The following MCF2L2 variants were observed in gnomAD, a reference collection of about 807,000 sequenced individuals.
The protein encoded by MCF2L2 is probable guanine nucleotide exchange factor MCF2L2.
MCF2L2 carries 102 observed loss-of-function variants against 150.2 expected under a neutral mutation model. The observed-to-expected ratio is 0.68, with a 90% CI of 0.58 to 0.80. MCF2L2 has a LOEUF of 0.80. Ranked by LOEUF, MCF2L2 falls within the 30% of genes least tolerant of loss-of-function variation. MCF2L2 has a pLI of 0.00. For missense variants in MCF2L2, 1,256 were observed against 1,372.8 expected (o/e 0.91, Z 1.34); for synonymous variants, 465 against 491.3 (o/e 0.95, Z 0.71).
chr3:183,207,895 T>C (rs1722556827), intron 22 of MCF2L2, 72 bp from the exon 23 acceptor site: 5 of 1,131,286 alleles, frequency 4.4e-6, no homozygotes, highest in Non-Finnish European at 5.1e-6. Context: ...TTGTGGCCTG[T>C]TTTCAAATTT....
chr3:183,383,430 C>G (rs936067863), intron 2 of MCF2L2, among the ~76,000 whole-genome samples: 1 of 152,138 alleles, frequency 6.6e-6, no homozygotes, highest in African/African-American at 2.4e-5. Context: ...GATGGGGTTT[C>G]TCCGTGTTGG....
At chr3:183,195,610 G>A (rs1576912966) in intron 25 of MCF2L2, among the ~76,000 whole-genome samples, 2 of 152,082 alleles carry the variant, frequency 1.3e-5, no homozygotes, top group South Asian at 4.1e-4. Context: ...TATGTGACTT[G>A]ATGAGGGAAA....
intron 10 of MCF2L2, among the ~76,000 whole-genome samples, chr3:183,302,582 T>TC (rs1453134447): frequency 6.6e-6 from 1 of 151,958 alleles, no homozygotes. Context: ...AAAGGACCAC[T>TC]CCCGGTACAG....
At chr3:183,412,935 G>C (rs1715395997) in intron 1 of MCF2L2, among the ~76,000 whole-genome samples, 1 of 152,140 alleles carries the variant, frequency 6.6e-6, no homozygotes, top group African/African-American at 2.4e-5. Flanking sequence ...TATCAAGATA[G>C]GGTGTTGAAT....
At chr3:183,410,235 A>G (rs904530386) in intron 1 of MCF2L2, among the ~76,000 whole-genome samples, 1 of 152,190 alleles carries the variant, frequency 6.6e-6, no homozygotes, top group Non-Finnish European at 1.5e-5. Context: ...CAGTCACTGA[A>G]GCTCACAATA....
At chr3:183,228,161 T>C in intron 18 of MCF2L2, 136 bp downstream of exon 18, 1 of 643,112 alleles carries the variant, frequency 1.6e-6, no homozygotes. Context: ...TTACCAATTA[T>C]ACTTCAGTAA....
At chr3:183,407,680 T>C (rs1046934049) in intron 1 of MCF2L2, among the ~76,000 whole-genome samples, 1 of 152,206 alleles carries the variant, frequency 6.6e-6, no homozygotes, top group East Asian at 1.9e-4. Context: ...TCACCTCACA[T>C]ATGAGGTTTG....
At chr3:183,407,584 G>A (rs1407252976) in intron 1 of MCF2L2, among the ~76,000 whole-genome samples, 2 of 151,942 alleles carry the variant, frequency 1.3e-5, no homozygotes, top group African/African-American at 4.8e-5. Context: ...AGATTCTACT[G>A]CAAAGCCACA....
intron 1 of MCF2L2, 69 bp from the exon 2 acceptor site, chr3:183,389,848 C>A: frequency 3.1e-6 from 4 of 1,297,954 alleles, no homozygotes; most frequent in Non-Finnish European, 3.3e-6. Context: ...TAAAAAGAAA[C>A]AAAGGCAAGT....
intron 5 of MCF2L2, among the ~76,000 whole-genome samples, chr3:183,328,921 G>T (rs938033381): frequency 6.6e-6 from 1 of 152,116 alleles, no homozygotes; most frequent in African/African-American, 2.4e-5. Context: ...ATAAATACAT[G>T]AAAAGAGGCT....
intron 15 of MCF2L2, 197 bp from the exon 16 acceptor site, chr3:183,231,214 T>C: frequency 3.0e-6 from 2 of 672,306 alleles, no homozygotes; most frequent in Non-Finnish European, 5.5e-6. Context: ...GTGATCACAC[T>C]GGTATCAAGA....
At chr3:183,342,508 C>T (rs933028822) in intron 3 of MCF2L2, among the ~76,000 whole-genome samples, 1 of 151,928 alleles carries the variant, frequency 6.6e-6, no homozygotes, top group African/African-American at 2.4e-5. Flanking sequence ...ATTGTGTGTG[C>T]TTTTTGGGGG....
At chr3:183,287,242 T>A (rs1031948270) in intron 14 of MCF2L2, among the ~76,000 whole-genome samples, 1 of 152,228 alleles carries the variant, frequency 6.6e-6, no homozygotes, top group Non-Finnish European at 1.5e-5. Context: ...GATTCCTTTA[T>A]ATGAGAACTT....
chr3:183,245,592 GAATACAGTCCTGAGGGCTCGGTCTC>G (rs1724215000), intron 15 of MCF2L2, among the ~76,000 whole-genome samples: 3 of 152,086 alleles, frequency 2.0e-5, no homozygotes, highest in South Asian at 2.1e-4. Flanking sequence ...ATTAAACACA[GAATACAGTCCTGAGGGCTCGGTCTC>G]AATACAGTCC....
At chr3:183,416,053 T>A (rs74561763) in intron 1 of MCF2L2, among the ~76,000 whole-genome samples, 1 of 152,172 alleles carries the variant, frequency 6.6e-6, no homozygotes, top group African/African-American at 2.4e-5. Flanking sequence ...GGTTATTCTA[T>A]AGTTTTTCAT....
At chr3:183,290,811 C>A (rs960620398) in intron 13 of MCF2L2, among the ~76,000 whole-genome samples, 1 of 152,128 alleles carries the variant, frequency 6.6e-6, no homozygotes, top group Non-Finnish European at 1.5e-5. Context: ...GGATTACAGG[C>A]GTGAGCCACT....
Position 183,389,862 on chromosome 3 carries a change from A to G in MCF2L2, c.77-83T>C. 3 of 1,115,438 alleles carry G rather than the reference A, an allele frequency of 2.7e-6. No individual in the cohort carries two copies. In the South Asian group the frequency reaches 3.8e-5, roughly 14 times the overall value. The allele number at this position is 1,115,438 out of a possible 1,614,324, so 69.1% of individuals were successfully genotyped here. A position where few individuals can be genotyped will look rare whatever the true frequency, so the allele number is the denominator to read the frequency against. On this transcript the variant is annotated intron_variant, in intron 1 of 29. Transcript: ENST00000328913. Reference sequence around the variant, plus strand: ...TTAAAAAGAAACAAAGGCAAGTTGTACTATTGGGAAATCTGGGACTTATCA... The same window carrying G: ...TTAAAAAGAAACAAAGGCAAGTTGTGCTATTGGGAAATCTGGGACTTATCA...
chr3:183,325,141 T>G (rs1729972994), intron 5 of MCF2L2, among the ~76,000 whole-genome samples: 1 of 137,882 alleles, frequency 7.3e-6, no homozygotes, highest in Non-Finnish European at 1.6e-5. Context: ...GGGGGAGGGA[T>G]AGCATTAGGA....
chr3:183,182,859 T>C (rs1470745557), intron 27 of MCF2L2, among the ~76,000 whole-genome samples: 1 of 152,172 alleles, frequency 6.6e-6, no homozygotes, highest in Non-Finnish European at 1.5e-5. Flanking sequence ...GGGATGGTAA[T>C]TGACCACCAG....
Sources: gnomAD v4.1 joint callset for allele counts (sites outside exome capture counted in the v4.1 genomes callset) on GRCh38, gnomAD v4.1.1 for gene constraint, MANE v1.5 for transcripts, NCBI Gene and HGNC (gene_info 2026-07-23, HGNC 2026-07-21) for gene names.